The following RTL9 variants were observed in gnomAD, a reference collection of about 807,000 sequenced individuals.
RTL9 encodes the protein retrotransposon Gag like 9.
RTL9 carries 19 observed loss-of-function variants against 44.7 expected under a neutral mutation model. The ratio of observed to expected loss-of-function variants is 0.42; its 90% CI spans 0.30 to 0.62. The LOEUF (loss-of-function observed/expected upper bound fraction) is 0.62, where lower values mean the gene tolerates loss of function less well. Among genes scored for constraint, RTL9 ranks in the 20% least tolerant of loss-of-function variants. The pLI is 0.16. For missense variants in RTL9, 1,105 were observed against 1,080.6 expected, an observed-to-expected ratio of 1.02 and a Z score of -0.32; for synonymous variants, 407 against 398.9, an observed-to-expected ratio of 1.02 and a Z score of -0.24.
chrX:110,380,239 A>G (rs1161076824), intron 1 of RTL9, among the ~76,000 whole-genome samples: 1 of 112,245 alleles, frequency 8.9e-6, no homozygotes, highest in Non-Finnish European at 1.9e-5. Context: ...CAAAAGGATT[A>G]GAAACTTGAA....
Position 110,376,944 on chromosome X carries a change from G to A in RTL9, c.-168+18028G>A, listed in dbSNP as rs773895269. On this transcript the variant is annotated intron_variant, in intron 1 of 2. Transcript: ENST00000520821. ...GCCTTTCCTTGAGCACTTCATGGAC[G>A]AATAGCCAAATCTGCCGGACCCACC... 2.7e-5 allele frequency among the ~76,000 whole-genome samples: 3 copies of A among 111,710 alleles called. No homozygotes were observed. The South Asian group carries it at 1.1e-3, about 42-fold the overall frequency.
chrX:110,405,202 G>A (rs151103706), intron 1 of RTL9, among the ~76,000 whole-genome samples: 24 of 108,563 alleles, frequency 2.2e-4, no homozygotes, highest in African/African-American at 8.1e-4. Flanking sequence ...AAAAGGTCAC[G>A]TTGCAATTTT....
At chrX:110,422,619 A>T (rs1290921175) in intron 1 of RTL9, among the ~76,000 whole-genome samples, 1 of 112,377 alleles carries the variant, frequency 8.9e-6, no homozygotes, top group African/African-American at 3.2e-5. Context: ...GTCACTTCTC[A>T]AATTTCCTCG....
At chrX:110,430,614 A>G (rs1357190426) in intron 1 of RTL9, among the ~76,000 whole-genome samples, 3 of 111,844 alleles carry the variant, frequency 2.7e-5, no homozygotes, top group Non-Finnish European at 5.6e-5. Context: ...TACTGCCAAA[A>G]CTATGAGAGC....
At chrX:110,427,814 G>T (rs2068765084) in intron 1 of RTL9, among the ~76,000 whole-genome samples, 1 of 111,892 alleles carries the variant, frequency 8.9e-6, no homozygotes, top group South Asian at 3.7e-4. Flanking sequence ...GGAGTCATTT[G>T]CAATTCTCTT....
upstream of RTL9, among the ~76,000 whole-genome samples, chrX:110,446,729 A>G (rs1427437338): frequency 9.0e-6 from 1 of 111,691 alleles, no homozygotes; most frequent in East Asian, 2.8e-4. Flanking sequence ...TCATGTACAC[A>G]TTAGAATATA....
chrX:110,415,537 T>C (rs2068671282), upstream of RTL9, among the ~76,000 whole-genome samples: 1 of 111,454 alleles, frequency 9.0e-6, no homozygotes, highest in Admixed American at 9.5e-5. Flanking sequence ...ACAACCAATA[T>C]GTATTGATGC....
At chrX:110,374,334 AT>A (rs2068360525) in intron 1 of RTL9, among the ~76,000 whole-genome samples, 1 of 112,259 alleles carries the variant, frequency 8.9e-6, no homozygotes. Flanking sequence ...GTATATGCAC[AT>A]TAAAAAAATG....
upstream of RTL9, among the ~76,000 whole-genome samples, chrX:110,449,065 G>A (rs143452082): frequency 0.012 from 1,288 of 110,233 alleles, 24 homozygotes; most frequent in African/African-American, 0.04. Context: ...GGTTGTCCAG[G>A]CTGGAGACAG....
intron 1 of RTL9, among the ~76,000 whole-genome samples, chrX:110,432,884 C>T (rs565130940): frequency 8.9e-6 from 1 of 112,946 alleles, no homozygotes; most frequent in East Asian, 2.8e-4. Context: ...TGTCATGCAT[C>T]CTCAGACGCT....
exon 1 of RTL9, chrX:110,419,083 T>C (rs2068699492): frequency 1.8e-5 from 2 of 112,373 alleles, no homozygotes. Context: ...CCCGCCCTAC[T>C]GACTGTGAAT....
chrX:110,370,648 T>C (rs1313198180), intron 1 of RTL9, among the ~76,000 whole-genome samples: 1 of 112,599 alleles, frequency 8.9e-6, no homozygotes, highest in Non-Finnish European at 1.9e-5. Flanking sequence ...AGGCTTTCCC[T>C]ACATGCTGTA....
chrX:110,365,657 T>C lies in RTL9; in HGVS notation c.-168+6741T>C, dbSNP rs1459602153. Among the ~76,000 whole-genome samples the C allele has an allele frequency of 2.7e-5, 3 of 112,051 alleles. No individual in the cohort carries two copies. The Admixed American group carries it at 2.8e-4, about 11-fold the overall frequency. On this transcript the variant is annotated intron_variant, in intron 1 of 2. Coordinates refer to the RTL9 transcript ENST00000520821. Reference sequence around the variant, plus strand: ...CTATCAGTGTTCCTAGGGCTTCAAATCTGTCTGTGCAAAACACATTGCTTG... The same window carrying C: ...CTATCAGTGTTCCTAGGGCTTCAAACCTGTCTGTGCAAAACACATTGCTTG...
exon 1 of RTL9, chrX:110,451,470 C>CCAA: frequency 8.3e-7 from 1 of 1,211,837 alleles, no homozygotes; most frequent in Non-Finnish European, 1.1e-6. Flanking sequence ...ATCACCCCAG[C>CCAA]CAACAAGCAC....
upstream of RTL9, among the ~76,000 whole-genome samples, chrX:110,415,629 C>T (rs1048791442): frequency 9.0e-6 from 1 of 111,057 alleles, no homozygotes. Context: ...TTTGCATGGT[C>T]AGGAATCTTG....
intron 1 of RTL9, among the ~76,000 whole-genome samples, chrX:110,395,473 T>C (rs184083572): frequency 4.5e-5 from 5 of 111,830 alleles, no homozygotes; most frequent in African/African-American, 1.6e-4. Flanking sequence ...TCCTTGGTAA[T>C]CCTCATGTAA....
chrX:110,422,534 A>G (rs1484476243), intron 1 of RTL9, among the ~76,000 whole-genome samples: 1 of 112,968 alleles, frequency 8.9e-6, no homozygotes. Context: ...CACACCCATG[A>G]CTGCAATGCC....
At chrX:110,453,312 T>C (rs756058972) in exon 1 of RTL9, 1 of 1,210,399 alleles carries the variant, frequency 8.3e-7, no homozygotes, top group South Asian at 1.8e-5. Flanking sequence ...AGGGGTGTCC[T>C]CACCACTAGT....
At chrX:110,404,969 T>A (rs2148300488) in intron 1 of RTL9, among the ~76,000 whole-genome samples, 1 of 111,212 alleles carries the variant, frequency 9.0e-6, no homozygotes, top group South Asian at 3.9e-4. Flanking sequence ...CATTGTCATT[T>A]CTCCTAATAG....
Sources: gnomAD v4.1 joint callset for allele counts (sites outside exome capture counted in the v4.1 genomes callset) on GRCh38, gnomAD v4.1.1 for gene constraint, MANE v1.5 for transcripts, NCBI Gene and HGNC (gene_info 2026-07-23, HGNC 2026-07-21) for gene names.